SLC1A3: variants seen among roughly 807,000 people sequenced by gnomAD.
SLC1A3 encodes solute carrier family 1 member 3, also known as excitatory amino acid transporter 1.
In SLC1A3, 21 loss-of-function variants were observed where a neutral mutation model predicts 48.1. The ratio of observed to expected loss-of-function variants is 0.44; its 90% CI spans 0.31 to 0.63. The LOEUF is 0.63. SLC1A3 is among the 20% of genes least tolerant of loss of function. The probability of loss-of-function intolerance (pLI) is 0.08; values close to 1 mark genes in which losing one functional copy is unlikely to be tolerated. For synonymous variants in SLC1A3, 239 were observed against 251.4 expected, an observed-to-expected ratio of 0.95 and a Z score of 0.47; for missense variants, 546 against 689.0, an observed-to-expected ratio of 0.79 and a Z score of 2.32.
chr5:36,650,551 A>G (rs1189547858), intron 3 of SLC1A3, among the ~76,000 whole-genome samples: 1 of 151,986 alleles, frequency 6.6e-6, no homozygotes, highest in Non-Finnish European at 1.5e-5. Flanking sequence ...CACCCTTCTT[A>G]TTTGTAATTT....
chr5:36,661,438 G>T (rs961585118), intron 3 of SLC1A3, among the ~76,000 whole-genome samples: 1 of 152,152 alleles, frequency 6.6e-6, no homozygotes. Context: ...AAAGAAACAA[G>T]GTGAACATGT....
In SLC1A3 at chr5:36,670,787, A is replaced by G. The variant is rs1741957223; in HGVS notation, c.320-242A>G. The stretch of plus-strand genomic sequence containing the variant: ...GTATTGATTTGGCCATGTGAAATCA[A>G]CTCTTGGGGCAGAAAATGAGTGACT... On this transcript the variant is annotated intron_variant, in intron 3 of 9. Transcript: ENST00000265113. 3 of 567,422 alleles carry G rather than the reference A, an allele frequency of 5.3e-6. No individual in the cohort carries two copies. In the African/African-American group the frequency reaches 5.6e-5, roughly 11 times the overall value. 35.1% of individuals were successfully genotyped at this position (567,422 alleles called of 1,614,324 possible).
chr5:36,649,826 G>A (rs1185929588), intron 3 of SLC1A3, among the ~76,000 whole-genome samples: 3 of 152,138 alleles, frequency 2.0e-5, no homozygotes, highest in Admixed American at 6.5e-5. Flanking sequence ...ATGTTAATTT[G>A]TATGGCTTTT....
intron 3 of SLC1A3, among the ~76,000 whole-genome samples, chr5:36,650,913 C>A (rs1350683029): frequency 6.6e-6 from 1 of 152,118 alleles, no homozygotes; most frequent in African/African-American, 2.4e-5. Flanking sequence ...ATAAGCATAA[C>A]TAGAATTGTC....
intron 3 of SLC1A3, chr5:36,666,109 C>G (rs1741734877): frequency 6.6e-6 from 1 of 152,102 alleles, no homozygotes; most frequent in Admixed American, 6.5e-5. Context: ...TTTCACCCTC[C>G]TCCTCACTCT....
chr5:36,601,904 T>C (rs1189760360), upstream of SLC1A3, among the ~76,000 whole-genome samples: 1 of 152,184 alleles, frequency 6.6e-6, no homozygotes, highest in Admixed American at 6.5e-5. Flanking sequence ...CATCTGTTTA[T>C]TGGTGCAGCA....
intron 3 of SLC1A3, among the ~76,000 whole-genome samples, chr5:36,657,416 T>A (rs1741324105): frequency 6.6e-6 from 1 of 152,232 alleles, no homozygotes; most frequent in African/African-American, 2.4e-5. Flanking sequence ...TGTCTTTGAA[T>A]CTGGCTGAAT....
intron 1 of SLC1A3, among the ~76,000 whole-genome samples, chr5:36,599,841 G>A (rs1457664401): frequency 6.6e-6 from 1 of 151,772 alleles, no homozygotes; most frequent in African/African-American, 2.4e-5. Context: ...ATTTGAGACG[G>A]AGTTTCGCTC....
intron 3 of SLC1A3, among the ~76,000 whole-genome samples, chr5:36,638,522 C>T (rs1002767648): frequency 6.6e-6 from 1 of 152,190 alleles, no homozygotes. Flanking sequence ...CCTGGAGTAC[C>T]TGTCACTGTC....
chr5:36,598,648 T>A (rs1428525480), intron 1 of SLC1A3, among the ~76,000 whole-genome samples: 1 of 152,156 alleles, frequency 6.6e-6, no homozygotes, highest in South Asian at 2.1e-4. Context: ...TGAAATTAAT[T>A]TTTTTCTTTG....
intron 3 of SLC1A3, among the ~76,000 whole-genome samples, chr5:36,646,407 A>G (rs1740842303): frequency 6.6e-6 from 1 of 152,246 alleles, no homozygotes; most frequent in East Asian, 1.9e-4. Context: ...ACCCTCAAAA[A>G]AATATAAACA....
chr5:36,615,749 A>G (rs1483975492), intron 2 of SLC1A3, among the ~76,000 whole-genome samples: 1 of 152,256 alleles, frequency 6.6e-6, no homozygotes, highest in Non-Finnish European at 1.5e-5. Flanking sequence ...CAAGCTGTAC[A>G]TTCCAGGTAC....
intron 2 of SLC1A3, among the ~76,000 whole-genome samples, chr5:36,609,944 T>A (rs1187558522): frequency 6.6e-6 from 1 of 152,176 alleles, no homozygotes; most frequent in African/African-American, 2.4e-5. Context: ...ATAATAATAA[T>A]TGCAAACATT....
At chr5:36,639,802 T>C (rs1290670033) in intron 3 of SLC1A3, among the ~76,000 whole-genome samples, 1 of 152,218 alleles carries the variant, frequency 6.6e-6, no homozygotes, top group Non-Finnish European at 1.5e-5. Flanking sequence ...AAATGCTATA[T>C]ATAAGGGAAA....
chr5:36,675,499 G>A (rs1328648346), intron 5 of SLC1A3, among the ~76,000 whole-genome samples: 3 of 152,240 alleles, frequency 2.0e-5, no homozygotes, highest in Non-Finnish European at 2.9e-5. Flanking sequence ...GGATTTTGAA[G>A]GGAAAGAAAA....
chr5:36,633,214 T>C (rs1278632464), intron 3 of SLC1A3, among the ~76,000 whole-genome samples: 1 of 152,230 alleles, frequency 6.6e-6, no homozygotes, highest in Non-Finnish European at 1.5e-5. Context: ...CACTTCTGAA[T>C]CTTTTCAGAA....
Position 36,677,018 on chromosome 5 carries a change from G to A in SLC1A3, c.694G>A (p.Val232Ile), listed in dbSNP as rs201623073. ...TCTTACCCGAATCACAGAGGAGCTG[G>A]TCCCAGTTCCAGGATCTGTGAATGG... is the stretch of plus-strand genomic sequence containing the variant. ...ETLTRITEELVPVPGSVNGVN... is the reference protein window; with the variant it reads ...ETLTRITEELIPVPGSVNGVN... The change falls in exon 6 of 10, where the codon GTC becomes ATC. Residue 232 changes from valine (V) to isoleucine (I), a missense_variant. By Grantham distance (29) the Val-to-Ile change is conservative. This residue lies in a region of SLC1A3 where 348 missense variants were observed against 392.0 expected (regional missense o/e 0.89). Coordinates refer to ENST00000265113, the MANE Select transcript of SLC1A3 (RefSeq NM_004172.5). 5.6e-6 allele frequency: 9 copies of A among 1,613,996 alleles called. No homozygotes were observed. The highest frequency in any genetic ancestry group is 7.6e-6 in the Non-Finnish European group (9 of 1,180,010).
rs70976237 is a variant in SLC1A3, at chr5:36,597,233, C to CTTTTTTTTTTTTTTTTTT, written c.-96+569_-96+586dup. Among the ~76,000 whole-genome samples the CTTTTTTTTTTTTTTTTTT allele has an allele frequency of 1.5e-4, 7 of 46,114 alleles. 1 individual carries two copies. Among genetic ancestry groups the CTTTTTTTTTTTTTTTTTT allele is most frequent in the East Asian group, 7.9e-4 (1 of 1,266 alleles). 30.3% of individuals were successfully genotyped at this position (46,114 alleles called of 152,430 possible). A position where few individuals can be genotyped will look rare whatever the true frequency, so the allele number is the denominator to read the frequency against. Reference sequence around the variant, plus strand: ...CACACCGAAAACTTCTTCTTCCTTTCTTTTTTTTTTTTTTTTTTTTTTTTT... The same window carrying CTTTTTTTTTTTTTTTTTT: ...CACACCGAAAACTTCTTCTTCCTTTCTTTTTTTTTTTTTTTTTTTTTTTTTTTTTTTTTTTTTTTTTTT... On this transcript the variant is annotated intron_variant, in intron 1 of 9. Transcript: ENST00000680318.
intron 5 of SLC1A3, among the ~76,000 whole-genome samples, chr5:36,674,588 A>G (rs1195308445): frequency 6.6e-6 from 1 of 152,064 alleles, no homozygotes; most frequent in Non-Finnish European, 1.5e-5. Flanking sequence ...ATTCATGGAA[A>G]TCCTGCTATA....
Sources: gnomAD v4.1 joint callset for allele counts (sites outside exome capture counted in the v4.1 genomes callset) on GRCh38, gnomAD v4.1.1 for gene constraint, gnomAD v4.1.1 regional missense constraint, MANE v1.5 for transcripts, NCBI Gene and HGNC (gene_info 2026-07-23, HGNC 2026-07-21) for gene names.